The following TTC39B variants were observed in gnomAD, a reference collection of about 807,000 sequenced individuals.
The protein encoded by TTC39B is tetratricopeptide repeat domain 39B, also known as tetratricopeptide repeat protein 39B.
A neutral mutation model predicts 96.6 loss-of-function variants in TTC39B; 92 were observed. The ratio of observed to expected loss-of-function variants is 0.95; its 90% CI spans 0.80 to 1.13. The LOEUF is 1.13. TTC39B is among the 50% of genes most tolerant of loss of function. TTC39B has a pLI of 0.00. For synonymous variants in TTC39B, 367 were observed against 299.4 expected (o/e 1.23, Z -2.33); for missense variants, 955 against 809.3 (o/e 1.18, Z -2.18).
intron 1 of TTC39B, among the ~76,000 whole-genome samples, chr9:15,285,608 A>G (rs890733433): frequency 1.3e-5 from 2 of 152,182 alleles, no homozygotes; most frequent in African/African-American, 4.8e-5. Flanking sequence ...TAATCCCTGC[A>G]CTTCGGGAGG....
In TTC39B at chr9:15,253,409, C is replaced by T. The variant is rs1454515823; in HGVS notation, c.275+14505G>A. Reference sequence around the variant, plus strand: ...GCCAAAGAATGCAAGGAATGTAGCTCTAGATACTGGAAAAGGCAAGGAAAT... The same window carrying T: ...GCCAAAGAATGCAAGGAATGTAGCTTTAGATACTGGAAAAGGCAAGGAAAT... On this transcript the variant is annotated intron_variant, in intron 2 of 19. Coordinates refer to ENST00000512701, the Ensembl canonical transcript of TTC39B. Among the ~76,000 whole-genome samples the T allele has an allele frequency of 3.3e-5, 5 of 152,198 alleles. No individual in the cohort carries two copies. In the East Asian group the frequency reaches 7.7e-4, roughly 23 times the overall value.
intron 2 of TTC39B, among the ~76,000 whole-genome samples, chr9:15,241,936 G>C (rs1268836382): frequency 2.0e-5 from 3 of 151,862 alleles, no homozygotes; most frequent in African/African-American, 7.3e-5. Context: ...AGTAGAAACG[G>C]AGTTTCATCA....
intron 1 of TTC39B, among the ~76,000 whole-genome samples, chr9:15,275,192 C>G (rs1823494687): frequency 6.6e-6 from 1 of 152,146 alleles, no homozygotes. Context: ...CAGGCATGCA[C>G]CACTACACCC....
At chr9:15,227,750 G>C (rs1236647879) in intron 2 of TTC39B, among the ~76,000 whole-genome samples, 1 of 152,068 alleles carries the variant, frequency 6.6e-6, no homozygotes, top group Non-Finnish European at 1.5e-5. Context: ...TCATTTTCGA[G>C]GGCTAGAAAC....
At chr9:15,249,723 GA>G (rs1190845203) in intron 2 of TTC39B, 6 of 278,044 alleles carry the variant, frequency 2.2e-5, no homozygotes, top group Non-Finnish European at 3.7e-5. Flanking sequence ...GGGAGGGTCA[GA>G]GGGGAAGCCA....
At chr9:15,240,798 C>T (rs571890872) in intron 2 of TTC39B, among the ~76,000 whole-genome samples, 15 of 152,120 alleles carry the variant, frequency 9.9e-5, no homozygotes, top group East Asian at 3.8e-4. Context: ...GTCTTCCAAC[C>T]TTTCACTACT....
At chr9:15,234,090 A>G (rs1299027015) in intron 2 of TTC39B, among the ~76,000 whole-genome samples, 75 of 127,870 alleles carry the variant, frequency 5.9e-4, no homozygotes, top group Non-Finnish European at 1.0e-3. Context: ...CCGCGACCCC[A>G]TCTGGGAGGT....
At chr9:15,298,292 C>G (rs1401880774) in intron 1 of TTC39B, among the ~76,000 whole-genome samples, 2 of 152,192 alleles carry the variant, frequency 1.3e-5, no homozygotes, top group Non-Finnish European at 2.9e-5. Context: ...ACGCTACCAG[C>G]CTCTGCAGCT....
intron 1 of TTC39B, among the ~76,000 whole-genome samples, chr9:15,294,675 T>C (rs576288555): frequency 1.3e-5 from 2 of 152,300 alleles, no homozygotes; most frequent in Admixed American, 1.3e-4. Flanking sequence ...ACTTGAAGAA[T>C]TTCCCAGCTG....
intron 6 of TTC39B, among the ~76,000 whole-genome samples, 188 bp downstream of exon 6, chr9:15,209,900 T>A (rs1820094601): frequency 6.6e-6 from 1 of 152,320 alleles, no homozygotes; most frequent in African/African-American, 2.4e-5. Context: ...CTTATTTATG[T>A]ATTTGAGTAT....
chr9:15,263,535 G>T (rs1339400392), intron 2 of TTC39B, among the ~76,000 whole-genome samples: 2 of 152,156 alleles, frequency 1.3e-5, no homozygotes, highest in African/African-American at 2.4e-5. Context: ...ATGGCTGTGT[G>T]TAATATTTTC....
intron 7 of TTC39B, among the ~76,000 whole-genome samples, chr9:15,201,747 C>T (rs527634): frequency 0.17 from 25,972 of 152,112 alleles, 2,387 homozygotes; most frequent in African/African-American, 0.22. Context: ...TCAAGGACAC[C>T]TGTAAGGTGC....
At chr9:15,244,745 C>A (rs1822196403) in intron 2 of TTC39B, among the ~76,000 whole-genome samples, 1 of 152,208 alleles carries the variant, frequency 6.6e-6, no homozygotes, top group African/African-American at 2.4e-5. Context: ...TTGCCATTTG[C>A]ATTGCATCGC....
chr9:15,220,829 C>CT (rs1398569554), intron 3 of TTC39B, among the ~76,000 whole-genome samples: 2 of 152,082 alleles, frequency 1.3e-5, no homozygotes, highest in Non-Finnish European at 2.9e-5. Flanking sequence ...CTGATGTTTC[C>CT]TCATGATCAG....
chr9:15,222,096 C>T (rs547292447), intron 3 of TTC39B, among the ~76,000 whole-genome samples: 6 of 152,240 alleles, frequency 3.9e-5, no homozygotes, highest in South Asian at 2.1e-4. Context: ...TCAGCTTTCC[C>T]GAGCTCAGTC....
chr9:15,177,739 C>A (rs576608143), exon 18 of TTC39B: 7 of 1,613,290 alleles, frequency 4.3e-6, no homozygotes, highest in Middle Eastern at 1.6e-4. Flanking sequence ...TTGCAAGGGC[C>A]GCTGTAAGTT....
intron 1 of TTC39B, among the ~76,000 whole-genome samples, chr9:15,280,333 G>T: frequency 6.6e-6 from 1 of 152,146 alleles, no homozygotes; most frequent in Non-Finnish European, 1.5e-5. Context: ...AAATATTTAC[G>T]CTGTCCCTTT....
At chr9:15,202,712 C>T (rs1324787936) in intron 7 of TTC39B, among the ~76,000 whole-genome samples, 5 of 151,012 alleles carry the variant, frequency 3.3e-5, no homozygotes, top group Admixed American at 6.6e-5. Context: ...GCTCCAACCA[C>T]CCTGCCACCC....
rs116394088 is a variant in TTC39B at position 15,185,591 on chromosome 9, G to A, written c.1488-185C>T. On this transcript the variant is annotated intron_variant, in intron 15 of 19. Coordinates refer to ENST00000512701, the Ensembl canonical transcript of TTC39B. Reference sequence around the variant, plus strand: ...CTACTGAATCAGCAACTCCAGGGCCGGGGCCGAGCAATCTAGATTTTGATA... The same window carrying A: ...CTACTGAATCAGCAACTCCAGGGCCAGGGCCGAGCAATCTAGATTTTGATA... 1.2e-3 allele frequency: 961 copies of A among 771,880 alleles called. 10 individuals carry two copies. In the African/African-American group the frequency reaches 0.016, roughly 12 times the overall value. The allele number at this position is 771,880 out of a possible 1,614,324, so 47.8% of individuals were successfully genotyped here.
Sources: allele counts gnomAD v4.1 joint callset (sites outside exome capture counted in the v4.1 genomes callset), GRCh38; gene constraint gnomAD v4.1.1; transcripts MANE v1.5; gene names NCBI Gene and HGNC (gene_info 2026-07-23, HGNC 2026-07-21).